POU6F2: variants seen among roughly 807,000 people sequenced by gnomAD.
The protein encoded by POU6F2 is POU domain, class 6, transcription factor 2.
In POU6F2, 31 loss-of-function variants were observed where a neutral mutation model predicts 71.3. That is an observed-to-expected ratio of 0.43 (90% CI 0.33 to 0.59). POU6F2 has a LOEUF of 0.59. Among genes scored for constraint, POU6F2 ranks in the 20% least tolerant of loss-of-function variants. The pLI, the probability that POU6F2 is intolerant of heterozygous loss-of-function variation, is 0.04. For synonymous variants in POU6F2, 347 were observed against 355.7 expected, an observed-to-expected ratio of 0.98 and a Z score of 0.27; for missense variants, 783 against 856.8, an observed-to-expected ratio of 0.91 and a Z score of 1.07.
intron 6 of POU6F2, among the ~76,000 whole-genome samples, chr7:39,418,830 G>C (rs527300947): frequency 6.6e-6 from 1 of 150,812 alleles, no homozygotes; most frequent in African/African-American, 2.4e-5. Context: ...TCAGCATAAC[G>C]TGTGTAAGTG....
chr7:39,396,234 A>G (rs1249692990), intron 5 of POU6F2, among the ~76,000 whole-genome samples: 1 of 152,178 alleles, frequency 6.6e-6, no homozygotes, highest in African/African-American at 2.4e-5. Flanking sequence ...AATCAAATCA[A>G]TGTATTGGGT....
At position 39,007,660 on chromosome 7, in the gene POU6F2, A is replaced by G. The variant is rs139819573; in HGVS notation, c.105+29602A>G. 6.0e-4 allele frequency among the ~76,000 whole-genome samples: 91 copies of G among 152,236 alleles called. No individual in the cohort carries two copies. The East Asian group carries it at 0.014, about 23-fold the overall frequency. ...CATCTAGCATTAGGTATATACCCCA[A>G]TGCTATCCCTCCCCACTCCCCCAAC... On this transcript the variant is annotated intron_variant, in intron 1 of 9. Coordinates refer to ENST00000518318, the MANE Select transcript of POU6F2 (RefSeq NM_001370959.1).
chr7:39,163,961 A>T (rs556825299), intron 2 of POU6F2, among the ~76,000 whole-genome samples: 4 of 152,266 alleles, frequency 2.6e-5, no homozygotes, highest in Middle Eastern at 3.4e-3. Context: ...AGAAGGGGAG[A>T]TGTTGTTCAA....
chr7:39,004,043 T>C (rs1217560025), intron 1 of POU6F2, among the ~76,000 whole-genome samples: 2 of 152,182 alleles, frequency 1.3e-5, no homozygotes, highest in Admixed American at 1.3e-4. Flanking sequence ...GATATACATA[T>C]AAACGTTTAT....
chr7:39,205,766 G>A (rs1793998646), intron 3 of POU6F2, among the ~76,000 whole-genome samples: 1 of 152,170 alleles, frequency 6.6e-6, no homozygotes, highest in South Asian at 2.1e-4. Flanking sequence ...TAAAGCAGCA[G>A]TTCTAAACTC....
Position 39,460,835 on chromosome 7 carries a change from T to C in POU6F2, c.1658+120T>C. On this transcript the variant is annotated intron_variant, in intron 9 of 9. Coordinates refer to ENST00000518318, the MANE Select transcript of POU6F2 (RefSeq NM_001370959.1). This position sits in a 1 kb window ranked among gnomAD's most constrained non-coding sequence, Gnocchi z 4.4. ...GAGGGGCAGAGAGTGGGAACAAAGTTTGGGGGCAGCTATATGTTGGGATTG... is the reference window on the plus strand; with the variant it reads ...GAGGGGCAGAGAGTGGGAACAAAGTCTGGGGGCAGCTATATGTTGGGATTG... The C allele has an allele frequency of 1.6e-6, 2 of 1,215,226 alleles. No individual in the cohort carries two copies. Among genetic ancestry groups the C allele is most frequent in the African/African-American group, 3.1e-5 (2 of 65,438 alleles). The allele number at this position is 1,215,226 out of a possible 1,614,324, so 75.3% of individuals were successfully genotyped here.
intron 4 of POU6F2, 123 bp from the exon 5 acceptor site, chr7:39,339,519 A>C: frequency 2.2e-6 from 3 of 1,340,274 alleles, no homozygotes; most frequent in Non-Finnish European, 3.0e-6. Context: ...AAAGAGCTTC[A>C]GGGGGCAAGG....
chr7:39,185,853 ATGTG>A (rs1793527779), intron 2 of POU6F2, among the ~76,000 whole-genome samples: 2 of 54,980 alleles, frequency 3.6e-5, no homozygotes, highest in African/African-American at 1.4e-4. Context: ...ATGTATATGT[ATGTG>A]TATATATGTA....
intron 5 of POU6F2, among the ~76,000 whole-genome samples, chr7:39,357,289 T>C (rs1195952805): frequency 6.6e-6 from 1 of 152,166 alleles, no homozygotes; most frequent in Non-Finnish European, 1.5e-5. Flanking sequence ...GGATCCAGTT[T>C]AAAAAACAAA....
intron 2 of POU6F2, among the ~76,000 whole-genome samples, chr7:39,174,086 T>A (rs1793280255): frequency 1.3e-5 from 2 of 152,212 alleles, no homozygotes; most frequent in Non-Finnish European, 2.9e-5. Flanking sequence ...ATGGGAAAGA[T>A]CTACCAAGTG....
intron 3 of POU6F2, among the ~76,000 whole-genome samples, chr7:39,205,752 G>T (rs757874512): frequency 6.6e-6 from 1 of 152,110 alleles, no homozygotes; most frequent in Non-Finnish European, 1.5e-5. Context: ...AGGCCTGTGG[G>T]GTCTAAAGCA....
chr7:39,111,036 T>C (rs905617739), intron 2 of POU6F2, among the ~76,000 whole-genome samples: 1 of 152,204 alleles, frequency 6.6e-6, no homozygotes, highest in Non-Finnish European at 1.5e-5. Context: ...TTTTGTAAAT[T>C]GTGTTATACA....
intron 1 of POU6F2, among the ~76,000 whole-genome samples, chr7:38,992,149 G>A (rs1054246806): frequency 6.6e-5 from 10 of 152,204 alleles, no homozygotes; most frequent in Admixed American, 2.6e-4. Context: ...TGACTGCTTC[G>A]TTACAACTAT....
chr7:39,377,287 C>T (rs1238332358), intron 5 of POU6F2, among the ~76,000 whole-genome samples: 2 of 151,890 alleles, frequency 1.3e-5, no homozygotes, highest in Non-Finnish European at 2.9e-5. Flanking sequence ...CACACCACCA[C>T]ACCTGGCTAA....
chr7:39,233,975 T>G (rs1407068873), intron 4 of POU6F2, among the ~76,000 whole-genome samples: 1 of 152,144 alleles, frequency 6.6e-6, no homozygotes, highest in Non-Finnish European at 1.5e-5. Context: ...TTTAATGTTC[T>G]GCTACCAATA....
At chr7:38,999,369 T>TGA (rs1788833608) in intron 1 of POU6F2, among the ~76,000 whole-genome samples, 1 of 152,162 alleles carries the variant, frequency 6.6e-6, no homozygotes, top group African/African-American at 2.4e-5. Context: ...CACAGGGTTT[T>TGA]CATAAAGGCA....
chr7:39,142,694 C>G (rs777821596), intron 2 of POU6F2, among the ~76,000 whole-genome samples: 2 of 152,098 alleles, frequency 1.3e-5, no homozygotes, highest in African/African-American at 4.8e-5. Context: ...CCTGAAAGAA[C>G]TTAGTATTTG....
intron 4 of POU6F2, among the ~76,000 whole-genome samples, chr7:39,272,977 A>G (rs1281775507): frequency 6.6e-6 from 1 of 152,216 alleles, no homozygotes; most frequent in Non-Finnish European, 1.5e-5. Context: ...AACTATAAAC[A>G]TTTTAGGGAA....
At chr7:39,179,661 G>A (rs1024779629) in intron 2 of POU6F2, among the ~76,000 whole-genome samples, 11 of 152,212 alleles carry the variant, frequency 7.2e-5, no homozygotes, top group East Asian at 3.9e-4. Context: ...TGCAGTTGCC[G>A]CCGGCTCATA....
Sources: allele counts gnomAD v4.1 joint callset (sites outside exome capture counted in the v4.1 genomes callset), GRCh38; gene constraint gnomAD v4.1.1; non-coding constraint Gnocchi (gnomAD v3.1); transcripts MANE v1.5; gene names NCBI Gene and HGNC (gene_info 2026-07-23, HGNC 2026-07-21).